The following SLC25A36 variants were observed in gnomAD, a reference collection of about 807,000 sequenced individuals.
SLC25A36 encodes the protein solute carrier family 25 member 36, also known as epididymis secretory sperm binding protein.
Under a neutral mutation model 35.3 loss-of-function variants are expected in SLC25A36, and 24 were observed. The observed-to-expected ratio is 0.68, with a 90% CI of 0.49 to 0.96. The LOEUF is 0.96. Among genes scored for constraint, SLC25A36 ranks in the 40% least tolerant of loss-of-function variants. SLC25A36 has a pLI of 0.00. For synonymous variants in SLC25A36, 141 were observed against 132.2 expected, an observed-to-expected ratio of 1.07 and a Z score of -0.46; for missense variants, 294 against 381.1, an observed-to-expected ratio of 0.77 and a Z score of 1.90.
intron 2 of SLC25A36, 68 bp downstream of exon 2, chr3:140,956,759 C>T: frequency 6.8e-7 from 1 of 1,463,328 alleles, no homozygotes; most frequent in South Asian, 1.6e-5. Context: ...TGTTTGTTTA[C>T]TTATATTCTG....
intron 5 of SLC25A36, 35 bp downstream of exon 5, chr3:140,971,028 T>C (rs373213786): frequency 2.3e-6 from 2 of 858,584 alleles, no homozygotes; most frequent in Non-Finnish European, 3.9e-6. Flanking sequence ...TTGGTTAAAG[T>C]GGATTTAACT....
intron 1 of SLC25A36, chr3:140,942,824 G>A (rs1235520687): frequency 6.6e-6 from 1 of 152,208 alleles, no homozygotes; most frequent in Non-Finnish European, 1.5e-5. Flanking sequence ...AAAATTTCTT[G>A]CCCGAGGTTT....
intron 2 of SLC25A36, among the ~76,000 whole-genome samples, chr3:140,957,811 A>G (rs773319594): frequency 3.3e-5 from 5 of 152,150 alleles, no homozygotes; most frequent in African/African-American, 1.2e-4. Context: ...TTTTAATATC[A>G]TGATTTTGAT....
At chr3:140,968,420 A>G in intron 4 of SLC25A36, 1 of 976,528 alleles carries the variant, frequency 1.0e-6, no homozygotes, top group Non-Finnish European at 1.2e-6. Context: ...CTTACTGATA[A>G]TAGCAATTAC....
rs1457183974 is a variant in SLC25A36, at chr3:140,978,904, CAA to C, written c.*2455_*2456del. The C allele has an allele frequency of 6.6e-6, 1 of 150,626 alleles. No homozygotes were observed. Among genetic ancestry groups the C allele is most frequent in the African/African-American group, 2.5e-5 (1 of 40,708 alleles). The allele number at this position is 150,626 out of a possible 1,614,324, so 9.3% of individuals were successfully genotyped here. Reference sequence around the variant, plus strand: ...TAAAAAATCGACTCATGTTTAAAAACAAAAACACATATTCAGAGCATTGGACT... The same window carrying C: ...TAAAAAATCGACTCATGTTTAAAAACAAACACATATTCAGAGCATTGGACT... On this transcript the variant is annotated 3_prime_UTR_variant, in exon 7 of 7. Transcript: ENST00000324194.
intron 1 of SLC25A36, 32 bp downstream of exon 1, chr3:140,942,127 C>G: frequency 1.0e-6 from 1 of 978,458 alleles, no homozygotes; most frequent in Admixed American, 3.3e-5. Flanking sequence ...CGCACTGGGG[C>G]TGAGGGTGCT....
At position 140,974,019 on chromosome 3, in the gene SLC25A36, T is replaced by C. The variant is rs201048475; in HGVS notation, c.742+14T>C. 2.0e-6 allele frequency: 3 copies of C among 1,488,104 alleles called. No individual in the cohort carries two copies. Among genetic ancestry groups the C allele is most frequent in the Middle Eastern group, 1.8e-4 (1 of 5,554 alleles). The allele number at this position is 1,488,104 out of a possible 1,614,324, so 92.2% of individuals were successfully genotyped here. A position where few individuals can be genotyped will look rare whatever the true frequency, so the allele number is the denominator to read the frequency against. ...CATATCCACATGGTAAGAAGAGTTATCTATTAAATCAGAAATATTTTCCCA... is the reference window on the plus strand; with the variant it reads ...CATATCCACATGGTAAGAAGAGTTACCTATTAAATCAGAAATATTTTCCCA... On this transcript the variant is annotated intron_variant, in intron 6 of 6. Transcript: ENST00000324194.
In SLC25A36 at chr3:140,977,362, T is replaced by C. The variant is rs1935074428; in HGVS notation, c.*909T>C. ...ATTAAGAATTTGAACTTTTGAGTTT[T>C]TTCCAGGTCTATATATAATAGATTA... On this transcript the variant is annotated 3_prime_UTR_variant, in exon 7 of 7. Coordinates refer to ENST00000324194, the MANE Select transcript of SLC25A36 (RefSeq NM_001104647.3). 1 of 152,204 alleles carries C rather than the reference T, an allele frequency of 6.6e-6. No individual in the cohort carries two copies. Among genetic ancestry groups the C allele is most frequent in the Admixed American group, 6.5e-5 (1 of 15,276 alleles). 9.4% of individuals were successfully genotyped at this position (152,204 alleles called of 1,614,324 possible). A position where few individuals can be genotyped will look rare whatever the true frequency, so the allele number is the denominator to read the frequency against.
Position 140,956,682 on chromosome 3 carries a change from A to G in SLC25A36, c.197A>G (p.His66Arg), listed in dbSNP as rs1934489154. 6.2e-7 allele frequency: 1 copy of G among 1,609,652 alleles called. No homozygotes were observed. Among genetic ancestry groups the G allele is most frequent in the African/African-American group, 1.3e-5 (1 of 74,716 alleles). ...CGAGTAGTGTCTCCCGGACCTCTTC[A>G]TTGCCTAAAGTGAGAGCATAGTATT... ...VNRVVSPGPL[H>R]CLKVILEKEG... is the part of the protein sequence containing the mutation. Residue 66 changes from histidine to arginine, a missense_variant, in exon 2 of 7, where the codon CAT (histidine) becomes CGT (arginine). His to Arg is a conservative substitution (Grantham distance 29). Transcript: ENST00000324194.
intron 2 of SLC25A36, chr3:140,956,906 T>A: frequency 1.4e-6 from 1 of 723,734 alleles, no homozygotes; most frequent in Non-Finnish European, 1.9e-6. Flanking sequence ...AAATCATGTG[T>A]ATTTAGAATA....
At chr3:140,955,365 A>G (rs1376815384) in intron 1 of SLC25A36, among the ~76,000 whole-genome samples, 1 of 152,104 alleles carries the variant, frequency 6.6e-6, no homozygotes, top group Non-Finnish European at 1.5e-5. Flanking sequence ...ACCTGACTCA[A>G]CTAGCTTTTC....
chr3:140,962,039 G>A (rs575881441), intron 3 of SLC25A36, among the ~76,000 whole-genome samples: 3 of 151,774 alleles, frequency 2.0e-5, no homozygotes, highest in African/African-American at 7.3e-5. Context: ...CTTGTAATTT[G>A]TCATTTGTAT....
In SLC25A36 at chr3:140,956,614, T is replaced by G; in HGVS notation, c.129T>G (p.Ile43Met). ...AGTCATCTTCTGTGACGCTTTATAT[T>G]TCTGAAGTTCAGCTGAACACCATGG... ...RLQSSSVTLY[I>M]SEVQLNTMAG... The change falls in exon 2 of 7, where the codon ATT becomes ATG. Residue 43 changes from isoleucine to methionine, a missense_variant. Around this residue, in one of 2 missense-constraint regions of SLC25A36, gnomAD observed 185 missense variants for 201.5 expected, o/e 0.92. Transcript: ENST00000324194. The G allele has an allele frequency of 6.2e-7, 1 of 1,614,038 alleles. No homozygotes were observed. The highest frequency in any genetic ancestry group is 8.5e-7 in the Non-Finnish European group (1 of 1,179,972).
At chr3:140,958,202 T>G (rs1296882534) in intron 2 of SLC25A36, among the ~76,000 whole-genome samples, 2 of 152,198 alleles carry the variant, frequency 1.3e-5, no homozygotes, top group Admixed American at 6.6e-5. Flanking sequence ...AGATCCCTCT[T>G]AAGCAGATAG....
At chr3:140,949,447 A>G (rs1021114029) in intron 1 of SLC25A36, among the ~76,000 whole-genome samples, 8 of 152,230 alleles carry the variant, frequency 5.3e-5, no homozygotes, top group African/African-American at 1.9e-4. Context: ...ACCATATTAA[A>G]CAATTTTAAA....
At chr3:140,963,464 T>TC in intron 4 of SLC25A36, 2 of 337,004 alleles carry the variant, frequency 5.9e-6, no homozygotes, top group South Asian at 4.3e-5. Flanking sequence ...TTGCCTTGTG[T>TC]AGTCCACTGA....
At chr3:140,949,618 T>C (rs915260824) in intron 1 of SLC25A36, among the ~76,000 whole-genome samples, 1 of 152,200 alleles carries the variant, frequency 6.6e-6, no homozygotes, top group African/African-American at 2.4e-5. Context: ...TAGTTATTTC[T>C]AATCTGGGTA....
chr3:140,956,461 C>G, intron 1 of SLC25A36, 66 bp from the exon 2 acceptor site: 1 of 1,402,292 alleles, frequency 7.1e-7, no homozygotes, highest in Non-Finnish European at 9.3e-7. Context: ...GATTACAGCT[C>G]TGGGCATATA....
chr3:140,949,379 A>G (rs1332545013), intron 1 of SLC25A36, among the ~76,000 whole-genome samples: 1 of 152,242 alleles, frequency 6.6e-6, no homozygotes, highest in Non-Finnish European at 1.5e-5. Flanking sequence ...AACTTACTGT[A>G]CAATTTGGCA....
Sources: allele counts gnomAD v4.1 joint callset (sites outside exome capture counted in the v4.1 genomes callset), GRCh38; gene constraint gnomAD v4.1.1; regional missense constraint gnomAD v4.1.1; transcripts MANE v1.5; gene names NCBI Gene and HGNC (gene_info 2026-07-23, HGNC 2026-07-21).